RELCH: variants seen among roughly 807,000 people sequenced by gnomAD.
RELCH encodes RAB11 binding and LisH domain, coiled-coil and HEAT repeat containing.
In RELCH, 41 loss-of-function variants were observed where a neutral mutation model predicts 150.3. The ratio of observed to expected loss-of-function variants is 0.27; its 90% CI spans 0.21 to 0.35. The LOEUF (loss-of-function observed/expected upper bound fraction) is 0.35. Among genes scored for constraint, RELCH ranks in the 10% least tolerant of loss-of-function variants. RELCH has a pLI of 1.00. For missense variants in RELCH, 1,092 were observed against 1,467.8 expected (o/e 0.74, Z 4.18); for synonymous variants, 478 against 531.8 (o/e 0.90, Z 1.39).
rs151108308 is a variant in RELCH, at chr18:62,250,348, G to C, written c.1734-2316G>C. On this transcript the variant is annotated intron_variant, in intron 11 of 28. Coordinates refer to ENST00000644646, the MANE Select transcript of RELCH (RefSeq NM_001346231.2). ...CTATACAAGTGTGCACCTCTTGTAA[G>C]TGTTCAAAACGCTTTTTAAGAAAAT... Among the ~76,000 whole-genome samples the C allele has an allele frequency of 2.5e-4, 38 of 152,274 alleles. 1 individual carries two copies. The highest frequency in any genetic ancestry group is 8.9e-4 in the African/African-American group (37 of 41,558).
chr18:62,289,218 AC>A (rs1346907850), intron 26 of RELCH, among the ~76,000 whole-genome samples: 2 of 152,202 alleles, frequency 1.3e-5, no homozygotes, highest in Non-Finnish European at 2.9e-5. Flanking sequence ...AACCATCTTA[AC>A]AACAGTCCCT....
intron 1 of RELCH, among the ~76,000 whole-genome samples, chr18:62,190,015 A>T (rs2038503392): frequency 6.6e-6 from 1 of 152,224 alleles, no homozygotes; most frequent in Admixed American, 6.5e-5. Flanking sequence ...TACTAAGCAA[A>T]TGAACAACAG....
At chr18:62,285,492 G>GT (rs1293086461) in intron 25 of RELCH, 3 of 152,176 alleles carry the variant, frequency 2.0e-5, no homozygotes, top group African/African-American at 7.2e-5. Flanking sequence ...ATGGTGCCAC[G>GT]TGTCTATAGT....
At chr18:62,301,742 A>C (rs935349126) in intron 28 of RELCH, among the ~76,000 whole-genome samples, 21 of 152,188 alleles carry the variant, frequency 1.4e-4, no homozygotes, top group African/African-American at 5.1e-4. Flanking sequence ...ACCAGACTCT[A>C]GTGAATAGAG....
rs1217177153 is a variant in RELCH at position 62,274,094 on chromosome 18, A to G, written c.2867+8A>G. ...TTCTTTTGTGGAATTGGGGTAAGAA[A>G]TAACAGCTTATAGTTTGCTAAAAGG... is the stretch of plus-strand genomic sequence containing the variant. On this transcript the variant is annotated splice_region_variant and intron_variant, in intron 21 of 28. Transcript: ENST00000644646. 7.1e-6 allele frequency: 11 copies of G among 1,554,348 alleles called. No homozygotes were observed. The highest frequency in any genetic ancestry group is 6.8e-5 in the East Asian group (3 of 44,430).
At chr18:62,275,633 G>T in intron 22 of RELCH, 160 bp downstream of exon 22, 1 of 456,176 alleles carries the variant, frequency 2.2e-6, no homozygotes, top group Non-Finnish European at 3.9e-6. Flanking sequence ...TGTGTGATGG[G>T]GCAGAAATTT....
chr18:62,187,833 G>T lies in RELCH; in HGVS notation c.328G>T (p.Ala110Ser). The part of the protein sequence containing the change: ...QLLRDQYLLT[A>S]LELHTELLES... ...GTTGCGCGATCAATACTTGCTGACC[G>T]CCCTGGAGCTGCATACCGAGCTGTT... is the stretch of plus-strand genomic sequence containing the variant. Residue 110 changes from alanine (A) to serine (S), a missense_variant, in exon 1 of 29, where the codon GCC becomes TCC. By Grantham distance (99) the Ala-to-Ser change is moderately conservative. Coordinates refer to ENST00000644646, the MANE Select transcript of RELCH (RefSeq NM_001346231.2). 6.3e-7 allele frequency: 1 copy of T among 1,591,980 alleles called. No individual in the cohort carries two copies.
intron 11 of RELCH, chr18:62,247,197 A>G (rs191840094): frequency 6.6e-6 from 1 of 152,334 alleles, no homozygotes. Context: ...GTCTATAGAA[A>G]CCAAAATCCA....
At chr18:62,206,211 G>A (rs1464920885) in intron 1 of RELCH, among the ~76,000 whole-genome samples, 2 of 152,078 alleles carry the variant, frequency 1.3e-5, no homozygotes, top group South Asian at 2.1e-4. Flanking sequence ...TACCATACCC[G>A]GCTAGTTTTT....
chr18:62,250,834 G>T (rs940447732), intron 11 of RELCH, among the ~76,000 whole-genome samples: 2 of 152,212 alleles, frequency 1.3e-5, no homozygotes, highest in African/African-American at 4.8e-5. Context: ...AATGAGCAAT[G>T]CCTAGACGTA....
intron 11 of RELCH, among the ~76,000 whole-genome samples, chr18:62,252,405 G>A (rs1037473816): frequency 1.3e-5 from 2 of 152,026 alleles, no homozygotes; most frequent in Admixed American, 6.6e-5. Flanking sequence ...TATAGTCCCA[G>A]CTACTCGAGA....
At position 62,237,965 on chromosome 18, in the gene RELCH, G is replaced by T. The variant is rs183129675; in HGVS notation, c.1620+5538G>T. On this transcript the variant is annotated intron_variant, in intron 10 of 28. Coordinates refer to ENST00000644646, the MANE Select transcript of RELCH (RefSeq NM_001346231.2). ...AGTAACAACTTTACTCAATCTTCAG[G>T]TTACAATTATAATATTTTTTAATTC... is the stretch of plus-strand genomic sequence containing the variant. Among the ~76,000 whole-genome samples, 240 of 151,556 alleles carry T rather than the reference G, an allele frequency of 1.6e-3. 1 individual carries two copies. The highest frequency in any genetic ancestry group is 5.3e-3 in the African/African-American group (220 of 41,420).
At chr18:62,194,860 G>A (rs936436998) in intron 1 of RELCH, among the ~76,000 whole-genome samples, 2 of 152,240 alleles carry the variant, frequency 1.3e-5, no homozygotes, top group Middle Eastern at 3.4e-3. Flanking sequence ...AACAATAAAT[G>A]TATAATAAAA....
Position 62,273,965 on chromosome 18 carries a change from ATT to A in RELCH, c.2761-11_2761-10del. 6.7e-7 allele frequency: 1 copy of A among 1,497,166 alleles called. No individual in the cohort carries two copies. Among genetic ancestry groups the A allele is most frequent in the Non-Finnish European group, 9.3e-7 (1 of 1,075,352 alleles). The allele number at this position is 1,497,166 out of a possible 1,614,324, so 92.7% of individuals were successfully genotyped here. ...GATTGTTTGGAAATTCAGTATCAGTATTTTTCCTCTGTAGGAAGAAGACCGAA... is the reference window on the plus strand; with the variant it reads ...GATTGTTTGGAAATTCAGTATCAGTATTTCCTCTGTAGGAAGAAGACCGAA... On this transcript the variant is annotated splice_polypyrimidine_tract_variant and intron_variant, in intron 20 of 28. Transcript: ENST00000644646.
chr18:62,255,913 TATA>T (rs1026903564), intron 13 of RELCH, among the ~76,000 whole-genome samples: 2 of 152,124 alleles, frequency 1.3e-5, no homozygotes, highest in Admixed American at 1.3e-4. Flanking sequence ...AATGTACTAT[TATA>T]ATAATGATTG....
chr18:62,190,012 C>G (rs2038503101), intron 1 of RELCH, among the ~76,000 whole-genome samples: 1 of 152,112 alleles, frequency 6.6e-6, no homozygotes, highest in Admixed American at 6.6e-5. Flanking sequence ...TAATACTAAG[C>G]AAATGAACAA....
At chr18:62,232,270 T>C in intron 9 of RELCH, 62 bp from the exon 10 acceptor site, 1 of 1,085,596 alleles carries the variant, frequency 9.2e-7, no homozygotes. Context: ...AATGAACTTT[T>C]CCATATTATT....
chr18:62,300,658 A>T (rs1236221180), intron 28 of RELCH: 1 of 152,212 alleles, frequency 6.6e-6, no homozygotes, highest in African/African-American at 2.4e-5. Context: ...ACGTTAGTAC[A>T]TTGTTTAATT....
At chr18:62,255,585 C>G in intron 13 of RELCH, 107 bp downstream of exon 13, 1 of 781,946 alleles carries the variant, frequency 1.3e-6, no homozygotes, top group Non-Finnish European at 2.1e-6. Context: ...GATGTGCTGT[C>G]TTAATAAAGA....
Sources: gnomAD v4.1 joint callset for allele counts (sites outside exome capture counted in the v4.1 genomes callset) on GRCh38, gnomAD v4.1.1 for gene constraint, MANE v1.5 for transcripts, NCBI Gene and HGNC (gene_info 2026-07-23, HGNC 2026-07-21) for gene names.